Variants in TULP3 observed in about 807,000 individuals in gnomAD.
TULP3 encodes tubby-related protein 3.
TULP3 carries 38 observed loss-of-function variants against 50.7 expected under a neutral mutation model. The observed-to-expected ratio is 0.75, with a 90% CI of 0.58 to 0.98. The LOEUF is 0.98. Ranked by LOEUF, TULP3 falls within the 50% of genes least tolerant of loss-of-function variation. The pLI is 0.00. For synonymous variants in TULP3, 183 were observed against 196.6 expected, an observed-to-expected ratio of 0.93 and a Z score of 0.58; for missense variants, 550 against 568.0, an observed-to-expected ratio of 0.97 and a Z score of 0.32.
chr12:2,924,990 A>G lies in TULP3; in HGVS notation c.394+2588A>G, dbSNP rs375993773. Among the ~76,000 whole-genome samples, 63 of 152,316 alleles carry G rather than the reference A, an allele frequency of 4.1e-4. 1 individual carries two copies. The East Asian group carries it at 5.0e-3, about 12-fold the overall frequency. On this transcript the variant is annotated intron_variant, in intron 4 of 10. Coordinates refer to ENST00000448120, the MANE Select transcript of TULP3 (RefSeq NM_003324.5). ...CAGGAGATCAAGACCATCCTGGCTA[A>G]CACGGTGAAACCCTGTCTCTACTAA...
intron 6 of TULP3, among the ~76,000 whole-genome samples, chr12:2,932,065 C>T (rs953801776): frequency 3.9e-5 from 6 of 152,134 alleles, no homozygotes; most frequent in African/African-American, 1.4e-4. Context: ...TATTATGGTC[C>T]TAGTCTAGGA....
Position 2,927,366 on chromosome 12 carries a change from A to ATTTTTTTTTT in TULP3, c.395-2873_395-2864dup, listed in dbSNP as rs71057864. On this transcript the variant is annotated intron_variant, in intron 4 of 10. Transcript: ENST00000448120. ...GGACCTATGTTTTCAGTTGAGACTG[A>ATTTTTTTTTT]TTTTTTTTTTTTTTTTTTGAGACCA... is the stretch of plus-strand genomic sequence containing the variant. Among the ~76,000 whole-genome samples the ATTTTTTTTTT allele has an allele frequency of 6.6e-3, 689 of 105,102 alleles. 98 individuals are homozygous for ATTTTTTTTTT. Among genetic ancestry groups the ATTTTTTTTTT allele is most frequent in the African/African-American group, 0.022 (574 of 25,690 alleles). The allele number at this position is 105,102 out of a possible 152,430, so 69.0% of individuals were successfully genotyped here.
intron 7 of TULP3, 128 bp downstream of exon 7, chr12:2,933,658 A>G: frequency 4.5e-6 from 1 of 220,132 alleles, no homozygotes; most frequent in East Asian, 1.1e-4. Context: ...AAGAAAAAGG[A>G]AAAAAAAAAA....
intron 1 of TULP3, among the ~76,000 whole-genome samples, chr12:2,899,777 T>C (rs1014896344): frequency 1.3e-5 from 2 of 151,392 alleles, no homozygotes; most frequent in Non-Finnish European, 1.5e-5. Context: ...CCTGTAGTCT[T>C]AGTTACTCGG....
chr12:2,917,241 G>C (rs1168619196), intron 2 of TULP3, among the ~76,000 whole-genome samples: 1 of 152,144 alleles, frequency 6.6e-6, no homozygotes, highest in Non-Finnish European at 1.5e-5. Context: ...TGGTGAGCAA[G>C]GAATCAGAGG....
chr12:2,934,924 A>T (rs1451458293), intron 8 of TULP3, among the ~76,000 whole-genome samples: 5 of 148,842 alleles, frequency 3.4e-5, no homozygotes, highest in African/African-American at 7.4e-5. Context: ...TCTTTTTCTT[A>T]TTTTTTTTCC....
At chr12:2,935,960 C>T (rs1317360951) in intron 8 of TULP3, among the ~76,000 whole-genome samples, 1 of 151,892 alleles carries the variant, frequency 6.6e-6, no homozygotes, top group African/African-American at 2.4e-5. Flanking sequence ...CAGCATGAGA[C>T]CCTGTTTAAA....
At chr12:2,916,116 TCTC>T (rs1591530103) in intron 2 of TULP3, among the ~76,000 whole-genome samples, 2 of 151,688 alleles carry the variant, frequency 1.3e-5, no homozygotes, top group Admixed American at 1.3e-4. Flanking sequence ...TTCAAGCAAT[TCTC>T]CTGCCTCAGC....
intron 4 of TULP3, among the ~76,000 whole-genome samples, chr12:2,928,633 G>T (rs1565506226): frequency 1.3e-5 from 2 of 151,914 alleles, no homozygotes; most frequent in Non-Finnish European, 2.9e-5. Context: ...GGTAAAATAT[G>T]CATCGTAACA....
rs2098191116 is a variant in TULP3 at position 2,920,630 on chromosome 12, C to G, written c.94-133C>G. On this transcript the variant is annotated intron_variant, in intron 2 of 10. Transcript: ENST00000448120. ...ACTCCTCTCTGTGCCTCAGTTTTCCCATTTCTTAAATGGGGAAAAAATAAT... is the reference window on the plus strand; with the variant it reads ...ACTCCTCTCTGTGCCTCAGTTTTCCGATTTCTTAAATGGGGAAAAAATAAT... The G allele has an allele frequency of 7.0e-6, 8 of 1,147,038 alleles. No homozygotes were observed. In the Admixed American group the frequency reaches 1.8e-4, roughly 26 times the overall value. The allele number at this position is 1,147,038 out of a possible 1,614,324, so 71.1% of individuals were successfully genotyped here. A position where few individuals can be genotyped will look rare whatever the true frequency, so the allele number is the denominator to read the frequency against.
intron 1 of TULP3, among the ~76,000 whole-genome samples, chr12:2,897,608 C>T (rs1234217516): frequency 6.7e-6 from 1 of 150,004 alleles, no homozygotes. Flanking sequence ...CCCTGTCTGT[C>T]TGTTGGTCTG....
intron 1 of TULP3, among the ~76,000 whole-genome samples, chr12:2,904,300 T>C (rs1175339430): frequency 6.6e-6 from 1 of 152,166 alleles, no homozygotes; most frequent in African/African-American, 2.4e-5. Context: ...TGTAAGGCCT[T>C]GTAGTTATCT....
At position 2,939,199 on chromosome 12, in the gene TULP3, C is replaced by T; in HGVS notation, c.1196-112C>T. On this transcript the variant is annotated intron_variant, in intron 10 of 10. Coordinates refer to ENST00000448120, the MANE Select transcript of TULP3 (RefSeq NM_003324.5). This position sits in a 1 kb window ranked among gnomAD's most constrained non-coding sequence, Gnocchi z 4.0. ...TGAGCTGTGGTCATTCCACTAGGCT[C>T]CAGCCAGGGCGACAGAGCAAAACCC... 8.0e-7 allele frequency: 1 copy of T among 1,244,478 alleles called. No individual in the cohort carries two copies. Among genetic ancestry groups the T allele is most frequent in the Non-Finnish European group, 1.1e-6 (1 of 885,662 alleles). 77.1% of individuals were successfully genotyped at this position (1,244,478 alleles called of 1,614,324 possible).
chr12:2,922,262 G>A lies in TULP3; in HGVS notation c.254G>A (p.Gly85Asp), dbSNP rs149595629. The A allele has an allele frequency of 1.3e-5, 21 of 1,610,552 alleles. No individual in the cohort carries two copies. In the African/African-American group the frequency reaches 2.5e-4, roughly 20 times the overall value. ...AAATTCATTTTATTTTGGCCCTTAG[G>A]TATTGATGGTCCAGCTGCTGTCCTG... is the stretch of plus-strand genomic sequence containing the variant. ...HTPHSNVILHGIDGPAAVLKP... is the reference protein window; with the variant it reads ...HTPHSNVILHDIDGPAAVLKP... The change falls in exon 4 of 11, where the codon GGT (glycine) becomes GAT (aspartate). Residue 85 changes from glycine (G) to aspartate (D), a missense_variant and splice_region_variant. Physicochemically the swap from Gly to Asp is moderately conservative, Grantham distance 94. Transcript: ENST00000448120.
intron 1 of TULP3, among the ~76,000 whole-genome samples, chr12:2,901,172 G>A (rs1199760337): frequency 1.3e-5 from 2 of 151,676 alleles, no homozygotes; most frequent in Admixed American, 6.6e-5. Flanking sequence ...GAGTGCAGTG[G>A]CACAATCACG....
At position 2,930,290 on chromosome 12, in the gene TULP3, T is replaced by A; in HGVS notation, c.437T>A (p.Ile146Lys). The A allele has an allele frequency of 6.2e-7, 1 of 1,613,000 alleles. No individual in the cohort carries two copies. The highest frequency in any genetic ancestry group is 8.5e-7 in the Non-Finnish European group (1 of 1,179,432). ...SVNFDEETDG[I>K]SQSACLERPN... ...AACTTCGATGAGGAGACTGATGGAA[T>A]ATCCCAGTCAGCATGTTTAGAAAGA... The change falls in exon 5 of 11, where the codon ATA becomes AAA. Residue 146 changes from isoleucine (I) to lysine (K), a missense_variant. Ile to Lys is a moderately radical substitution (Grantham distance 102). Transcript: ENST00000448120.
chr12:2,925,461 C>A (rs528462951), intron 4 of TULP3, among the ~76,000 whole-genome samples: 1 of 152,278 alleles, frequency 6.6e-6, no homozygotes, highest in African/African-American at 2.4e-5. Context: ...GGTGATTCCG[C>A]TGAACAAAGA....
At chr12:2,937,848 C>T in intron 9 of TULP3, 119 bp downstream of exon 9, 1 of 924,090 alleles carries the variant, frequency 1.1e-6, no homozygotes, top group Non-Finnish European at 1.6e-6. Flanking sequence ...CTGGAGATAG[C>T]TCCATACACT....
intron 6 of TULP3, among the ~76,000 whole-genome samples, 163 bp downstream of exon 6, chr12:2,931,403 G>GAGCT (rs917489609): frequency 1.1e-4 from 17 of 152,222 alleles, no homozygotes; most frequent in African/African-American, 4.1e-4. Flanking sequence ...TTTCTGCAAA[G>GAGCT]AGCTCATGGT....
Sources: gnomAD v4.1 joint callset for allele counts (sites outside exome capture counted in the v4.1 genomes callset) on GRCh38, gnomAD v4.1.1 for gene constraint, Gnocchi (gnomAD v3.1) non-coding constraint, MANE v1.5 for transcripts, NCBI Gene and HGNC (gene_info 2026-07-23, HGNC 2026-07-21) for gene names.